POMT1: variants seen among roughly 807,000 people sequenced by gnomAD.
The protein encoded by POMT1 is protein O-mannosyl-transferase 1.
POMT1 carries 85 observed loss-of-function variants against 101.6 expected under a neutral mutation model. The observed-to-expected ratio is 0.84, with a 90% confidence interval of 0.70 to 1.00. The LOEUF is 1.00. POMT1 is among the 50% of genes least tolerant of loss of function. The pLI is 0.00. For synonymous variants in POMT1, 371 were observed against 383.0 expected (o/e 0.97, Z 0.37); for missense variants, 857 against 930.4 (o/e 0.92, Z 1.03).
rs1219705170 is a variant in POMT1, at chr9:131,519,495, C to T, written c.1584+9C>T. ...GATTCTCGGAGCTGCAGGTGAGGAG[C>T]GGCCAGGGGAAGCTGGCCTAGCTCG... On this transcript the variant is annotated intron_variant, in intron 16 of 19. Transcript: ENST00000402686. The surrounding 1 kb of genome is among the most constrained non-coding windows in gnomAD (Gnocchi z 4.3). The T allele has an allele frequency of 4.1e-5, 64 of 1,548,914 alleles. No homozygotes were observed. The highest frequency in any genetic ancestry group is 5.4e-5 in the Non-Finnish European group (62 of 1,146,890).
At chr9:131,509,177 C>T (rs898567971) in intron 6 of POMT1, among the ~76,000 whole-genome samples, 155 bp downstream of exon 6, 1 of 151,524 alleles carries the variant, frequency 6.6e-6, no homozygotes, top group Non-Finnish European at 1.5e-5. Flanking sequence ...TTTTTTGAGA[C>T]GGAGTCCCTG....
chr9:131,509,057 A>T lies in POMT1; in HGVS notation c.539+35A>T, dbSNP rs765179464. 4.1e-6 allele frequency: 6 copies of T among 1,469,714 alleles called. No individual in the cohort carries two copies. In the South Asian group the frequency reaches 6.8e-5, roughly 17 times the overall value. The allele number at this position is 1,469,714 out of a possible 1,614,324, so 91.0% of individuals were successfully genotyped here. On this transcript the variant is annotated intron_variant, in intron 6 of 19. Coordinates refer to ENST00000402686, the MANE Select transcript of POMT1 (RefSeq NM_001077365.2). ...ATGGAGTGTCTTCCTAGTTAACGAG[A>T]ACAGAGATTCTGGGTGGTTTGTTGA... is the stretch of plus-strand genomic sequence containing the variant.
In POMT1 at chr9:131,506,173, T is replaced by C; in HGVS notation, c.182T>C (p.Leu61Ser). 1 of 1,614,244 alleles carries C rather than the reference T, an allele frequency of 6.2e-7. No individual in the cohort carries two copies. The highest frequency in any genetic ancestry group is 8.5e-7 in the Non-Finnish European group (1 of 1,180,034). ...TTTTACATGAAACAAATCTTCTTCTTGGATGACAGTGGGCCGCCATTTGGC... is the reference window on the plus strand; with the variant it reads ...TTTTACATGAAACAAATCTTCTTCTCGGATGACAGTGGGCCGCCATTTGGC... ...ISFYMKQIFF[L>S]DDSGPPFGHM... The change falls in exon 3 of 20, where the codon TTG (leucine) becomes TCG (serine). Residue 61 changes from leucine (L) to serine (S), a missense_variant. Coordinates refer to ENST00000402686, the MANE Select transcript of POMT1 (RefSeq NM_001077365.2).
intron 13 of POMT1, among the ~76,000 whole-genome samples, chr9:131,517,651 C>T (rs373980381): frequency 1.1e-4 from 16 of 152,172 alleles, no homozygotes; most frequent in Admixed American, 2.6e-4. Flanking sequence ...TATCTGTGTG[C>T]GTTCTGCATT....
At chr9:131,508,497 C>T (rs918831730) in intron 5 of POMT1, among the ~76,000 whole-genome samples, 2 of 152,170 alleles carry the variant, frequency 1.3e-5, no homozygotes, top group African/African-American at 2.4e-5. Flanking sequence ...TACCACTGCA[C>T]TCCAGCCTGG....
chr9:131,523,175 G>A lies in POMT1; in HGVS notation c.*69G>A, dbSNP rs1336217406. On this transcript the variant is annotated 3_prime_UTR_variant, in exon 20 of 20. Transcript: ENST00000402686. ...GGTTGAAGGGTCTTGGTCAATGTAC[G>A]TAATGAGCAGGGTGGGCCCCACGCT... The A allele has an allele frequency of 2.0e-5, 31 of 1,556,688 alleles. 1 individual carries two copies. In the East Asian group the frequency reaches 4.3e-4, roughly 22 times the overall value.
rs759848847 is a variant in POMT1 at position 131,504,315 on chromosome 9, C to T, written c.97C>T (p.Arg33Ter). ...GATGGGGTTACTGAGCCGGCTGTGGCGACTCACCTACCCGCGGGCTGTGGT... is the reference window on the plus strand; with the variant it reads ...GATGGGGTTACTGAGCCGGCTGTGGTGACTCACCTACCCGCGGGCTGTGGT... ...TGMGLLSRLW[R>*]LTYPRAVVFD... is the part of the protein sequence containing the mutation. Residue 33 changes from arginine (R) to a stop codon, truncating the protein, a stop_gained, in exon 2 of 20, where the codon CGA becomes TGA. Transcript: ENST00000402686. LOFTEE classifies it high-confidence loss of function. 13 of 1,614,080 alleles carry T rather than the reference C, an allele frequency of 8.1e-6. No homozygotes were observed. The highest frequency in any genetic ancestry group is 1.7e-5 in the Admixed American group (1 of 59,996).
chr9:131,510,110 G>A, intron 8 of POMT1, 114 bp downstream of exon 8: 3 of 1,613,024 alleles, frequency 1.9e-6, no homozygotes, highest in Non-Finnish European at 2.5e-6. Flanking sequence ...AAGCAGGCAG[G>A]CCTGGGCAGC....
intron 17 of POMT1, among the ~76,000 whole-genome samples, chr9:131,520,427 A>T (rs1949688034): frequency 6.6e-6 from 1 of 152,194 alleles, no homozygotes; most frequent in Non-Finnish European, 1.5e-5. Flanking sequence ...TTGTGGAGAC[A>T]CATTGTTCCC....
chr9:131,518,846 G>C lies in POMT1; in HGVS notation c.1375G>C (p.Ala459Pro), dbSNP rs996611323. 1.9e-6 allele frequency: 3 copies of C among 1,613,860 alleles called. No homozygotes were observed. The African/African-American group carries it at 4.0e-5, about 22-fold the overall frequency. Residue 459 changes from alanine to proline, a missense_variant, in exon 15 of 20, where the codon GCT becomes CCT. Physicochemically the swap from Ala to Pro is conservative, Grantham distance 27. Coordinates refer to ENST00000402686, the MANE Select transcript of POMT1 (RefSeq NM_001077365.2). ...NTSAVLKLSG[A>P]HLPDWGYRQL... is the part of the protein sequence containing the mutation. The stretch of plus-strand genomic sequence containing the variant: ...CCTGCGGTGTCACCAGCTGAGCGGG[G>C]CTCACCTCCCTGACTGGGGGTATCG...
rs1478960799 is a variant in POMT1 at position 131,518,876 on chromosome 9, C to T, written c.1405C>T (p.Leu469=). Residue 469 remains leucine (L), a synonymous_variant, in exon 15 of 20, where the codon CTG becomes TTG. Coordinates refer to ENST00000402686, the MANE Select transcript of POMT1 (RefSeq NM_001077365.2). ...AHLPDWGYRQ[L]EIVGEKLSRG... ...CCTCCCTGACTGGGGGTATCGGCAACTGGAGATCGTCGGGGAGAAGCTGTC... is the reference window on the plus strand; with the variant it reads ...CCTCCCTGACTGGGGGTATCGGCAATTGGAGATCGTCGGGGAGAAGCTGTC... 1 of 1,614,006 alleles carries T rather than the reference C, an allele frequency of 6.2e-7. No individual in the cohort carries two copies. The highest frequency in any genetic ancestry group is 1.7e-5 in the Admixed American group (1 of 60,030).
Position 131,507,290 on chromosome 9 carries a change from A to C in POMT1, c.281-78A>C, listed in dbSNP as rs552349144. The C allele has an allele frequency of 2.5e-6, 4 of 1,601,344 alleles. No individual in the cohort carries two copies. The African/African-American group carries it at 4.0e-5, about 16-fold the overall frequency. On this transcript the variant is annotated intron_variant, in intron 4 of 19. Transcript: ENST00000402686. ...TAGAGTCTGTGAACATGACGGCGCT[A>C]TGTGAAAGCATAGCTGCAGTACACA... is the stretch of plus-strand genomic sequence containing the variant.
chr9:131,519,388 G>A lies in POMT1; in HGVS notation c.1487-1G>A. Reference sequence around the variant, plus strand: ...TGTTATGCCCTTGTCTGTTCTGCCAGGCCAGGAGCAGAGGGAGCGGGAACG... The same window carrying A: ...TGTTATGCCCTTGTCTGTTCTGCCAAGCCAGGAGCAGAGGGAGCGGGAACG... On this transcript the variant is annotated splice_acceptor_variant, in intron 15 of 19. Transcript: ENST00000402686. LOFTEE classifies it high-confidence loss of function. This position sits in a 1 kb window ranked among gnomAD's most constrained non-coding sequence, Gnocchi z 4.3. The A allele has an allele frequency of 1.3e-6, 2 of 1,551,640 alleles. No homozygotes were observed. The highest frequency in any genetic ancestry group is 1.7e-6 in the Non-Finnish European group (2 of 1,147,096).
At chr9:131,521,575 C>A in intron 18 of POMT1, 103 bp downstream of exon 18, 1 of 1,353,720 alleles carries the variant, frequency 7.4e-7, no homozygotes, top group Non-Finnish European at 1.0e-6. Flanking sequence ...AGCGATCCTC[C>A]TGCCTCGGCC....
Position 131,518,474 on chromosome 9 carries a change from C to T in POMT1, c.1302C>T (p.Asp434=), listed in dbSNP as rs568246978. 49 of 1,613,786 alleles carry T rather than the reference C, an allele frequency of 3.0e-5. 2 individuals carry two copies. The South Asian group carries it at 4.2e-4, about 14-fold the overall frequency. ...TTGTGAACAGAGGATCTGACACAGACGTCTGGAAGACCATCCTCTCAGAGG... is the reference window on the plus strand; with the variant it reads ...TTGTGAACAGAGGATCTGACACAGATGTCTGGAAGACCATCCTCTCAGAGG... ...LEIVNRGSDT[D]VWKTILSEVR... Residue 434 remains aspartate, a synonymous_variant, in exon 14 of 20, where the codon GAC becomes GAT. Transcript: ENST00000402686.
chr9:131,507,455 T>C lies in POMT1; in HGVS notation c.368T>C (p.Val123Ala). 2 of 1,614,086 alleles carry C rather than the reference T, an allele frequency of 1.2e-6. No homozygotes were observed. The highest frequency in any genetic ancestry group is 1.7e-6 in the Non-Finnish European group (2 of 1,180,012). The part of the protein sequence containing the change: ...ALSVPMAYQI[V>A]LELHFSHCAA... ...TCGGTCCCCATGGCCTACCAGATAGTGTTGGAGCTCCACTTTTCTCATTGT... is the reference window on the plus strand; with the variant it reads ...TCGGTCCCCATGGCCTACCAGATAGCGTTGGAGCTCCACTTTTCTCATTGT... Residue 123 changes from valine to alanine, a missense_variant, in exon 5 of 20, where the codon GTG (valine) becomes GCG (alanine). Val to Ala is a moderately conservative substitution (Grantham distance 64). Transcript: ENST00000402686.
At position 131,523,142 on chromosome 9, in the gene POMT1, C is replaced by T. The variant is rs368777622; in HGVS notation, c.*36C>T. The T allele has an allele frequency of 1.9e-5, 31 of 1,602,494 alleles. No homozygotes were observed. The highest frequency in any genetic ancestry group is 3.4e-5 in the Admixed American group (2 of 59,454). On this transcript the variant is annotated 3_prime_UTR_variant, in exon 20 of 20. Coordinates refer to ENST00000402686, the MANE Select transcript of POMT1 (RefSeq NM_001077365.2). ...TGGCAAAGAACACCCGTGCTGGGGTCGGGATGAGGTTGAAGGGTCTTGGTC... is the reference window on the plus strand; with the variant it reads ...TGGCAAAGAACACCCGTGCTGGGGTTGGGATGAGGTTGAAGGGTCTTGGTC...
chr9:131,509,742 G>A lies in POMT1; in HGVS notation c.540-1G>A. On this transcript the variant is annotated splice_acceptor_variant, in intron 6 of 19. Coordinates refer to ENST00000402686, the MANE Select transcript of POMT1 (RefSeq NM_001077365.2). LOFTEE classifies it high-confidence loss of function. Reference sequence around the variant, plus strand: ...CTCCATCTGCTTTGTTTTTATTCCAGCCCTTTTTCTCTGAGCTGGTGGTTC... The same window carrying A: ...CTCCATCTGCTTTGTTTTTATTCCAACCCTTTTTCTCTGAGCTGGTGGTTC... 6.2e-7 allele frequency: 1 copy of A among 1,614,174 alleles called. No individual in the cohort carries two copies. Among genetic ancestry groups the A allele is most frequent in the Non-Finnish European group, 8.5e-7 (1 of 1,180,036 alleles).
At chr9:131,506,343 C>T in intron 3 of POMT1, 60 bp from the exon 4 acceptor site, 2 of 1,568,884 alleles carry the variant, frequency 1.3e-6, no homozygotes, top group Non-Finnish European at 1.8e-6. Context: ...TTATTGCTTG[C>T]CACAGTACTC....
Sources: gnomAD v4.1 joint callset for allele counts (sites outside exome capture counted in the v4.1 genomes callset) on GRCh38, gnomAD v4.1.1 for gene constraint, Gnocchi (gnomAD v3.1) non-coding constraint, MANE v1.5 for transcripts, NCBI Gene and HGNC (gene_info 2026-07-23, HGNC 2026-07-21) for gene names.